SCML4: variants seen among roughly 807,000 people sequenced by gnomAD.
SCML4 encodes Scm polycomb group protein like 4, also known as sex comb on midleg-like protein 4.
SCML4 carries 34 observed loss-of-function variants against 41.1 expected under a neutral mutation model. The observed-to-expected ratio is 0.83, with a 90% confidence interval of 0.63 to 1.10. The LOEUF (loss-of-function observed/expected upper bound fraction) is 1.10. Among genes scored for constraint, SCML4 ranks in the 50% least tolerant of loss-of-function variants. The pLI is 0.00. For missense variants in SCML4, 522 were observed against 534.1 expected, an observed-to-expected ratio of 0.98 and a Z score of 0.22; for synonymous variants, 214 against 220.9, an observed-to-expected ratio of 0.97 and a Z score of 0.28.
intron 1 of SCML4, among the ~76,000 whole-genome samples, chr6:107,793,437 T>C (rs1013793657): frequency 2.6e-5 from 4 of 152,142 alleles, no homozygotes; most frequent in Admixed American, 2.6e-4. Flanking sequence ...GACAAACAAA[T>C]GCTTAAAACA....
At chr6:107,799,710 T>C (rs543217662) in intron 1 of SCML4, among the ~76,000 whole-genome samples, 1 of 152,212 alleles carries the variant, frequency 6.6e-6, no homozygotes, top group South Asian at 2.1e-4. Context: ...ATTGCTTTCT[T>C]TCTTGGCTCA....
At chr6:107,777,134 T>C (rs1241358704) in intron 1 of SCML4, among the ~76,000 whole-genome samples, 2 of 152,230 alleles carry the variant, frequency 1.3e-5, no homozygotes, top group African/African-American at 2.4e-5. Flanking sequence ...TTTTGTTTTG[T>C]TTGAGATGGA....
chr6:107,813,929 G>A (rs908797836), intron 1 of SCML4, among the ~76,000 whole-genome samples: 1 of 152,086 alleles, frequency 6.6e-6, no homozygotes, highest in African/African-American at 2.4e-5. Context: ...CTCTTCCTAC[G>A]GAGCCTCTCC....
At chr6:107,706,098 A>G (rs954092776) in intron 7 of SCML4, among the ~76,000 whole-genome samples, 1 of 152,120 alleles carries the variant, frequency 6.6e-6, no homozygotes, top group African/African-American at 2.4e-5. Flanking sequence ...TAGTTACAGG[A>G]TTCATATAAT....
intron 1 of SCML4, among the ~76,000 whole-genome samples, chr6:107,788,014 C>A (rs77908230): frequency 0.013 from 2,004 of 152,302 alleles, 24 homozygotes; most frequent in Non-Finnish European, 0.019. Context: ...ACCCAGGGAA[C>A]AATCAGCAGA....
chr6:107,823,936 G>A (rs1035716708), intron 1 of SCML4, among the ~76,000 whole-genome samples, 190 bp downstream of exon 1: 5 of 152,168 alleles, frequency 3.3e-5, no homozygotes, highest in African/African-American at 1.2e-4. Flanking sequence ...ATTAAATGCT[G>A]TACTTTGCAT....
chr6:107,822,729 T>G (rs1364741360), intron 1 of SCML4, among the ~76,000 whole-genome samples: 1 of 152,092 alleles, frequency 6.6e-6, no homozygotes, highest in Non-Finnish European at 1.5e-5. Context: ...AAAAATTCTG[T>G]CAAAAAGCCT....
At chr6:107,790,807 T>C (rs1173563520) in intron 1 of SCML4, among the ~76,000 whole-genome samples, 1 of 152,140 alleles carries the variant, frequency 6.6e-6, no homozygotes, top group Non-Finnish European at 1.5e-5. Flanking sequence ...TGGTGGCTCA[T>C]GTCTGTAATC....
chr6:107,751,576 TTC>T (rs1778634197), intron 2 of SCML4, among the ~76,000 whole-genome samples: 1 of 44,474 alleles, frequency 2.2e-5, no homozygotes, highest in South Asian at 9.3e-4. Flanking sequence ...TTAACAATCT[TTC>T]TTTCTTTCTT....
At chr6:107,778,210 AAAAAAAAAAAAAATATATATATAT>A (rs1212360194) in intron 1 of SCML4, among the ~76,000 whole-genome samples, 23 of 21,318 alleles carry the variant, frequency 1.1e-3, no homozygotes, top group South Asian at 7.6e-3. Flanking sequence ...AAAAAAAAAA[AAAAAAAAAAAAAATATATATATAT>A]ATATATATAT....
chr6:107,747,233 C>T (rs1395485215), intron 3 of SCML4, among the ~76,000 whole-genome samples: 2 of 152,188 alleles, frequency 1.3e-5, no homozygotes, highest in African/African-American at 2.4e-5. Flanking sequence ...AATGTACATA[C>T]AAAACTTCTT....
intron 2 of SCML4, among the ~76,000 whole-genome samples, chr6:107,766,015 T>C (rs1249518559): frequency 1.3e-5 from 2 of 152,230 alleles, no homozygotes; most frequent in Non-Finnish European, 1.5e-5. Flanking sequence ...CCAGGCATGG[T>C]GGCACATGCC....
intron 6 of SCML4, among the ~76,000 whole-genome samples, chr6:107,715,941 T>A (rs1774740670): frequency 6.6e-6 from 1 of 150,828 alleles, no homozygotes; most frequent in Non-Finnish European, 1.5e-5. Context: ...TGATGATAAC[T>A]GCTTTTTACT....
chr6:107,819,324 G>C (rs1784781264), intron 1 of SCML4, among the ~76,000 whole-genome samples: 1 of 102,702 alleles, frequency 9.7e-6, no homozygotes, highest in Non-Finnish European at 2.3e-5. Flanking sequence ...AACAATGAGG[G>C]CTTCTCTATA....
chr6:107,839,368 G>GGAAAGAAA, the SCML4 span, among the ~76,000 whole-genome samples: 309 of 52,534 alleles, frequency 5.9e-3, 4 homozygotes, highest in African/African-American at 0.02. Flanking sequence ...AAAGAAAGAA[G>GGAAAGAAA]GAAAGAAAGA....
chr6:107,835,333 C>T, the SCML4 span, among the ~76,000 whole-genome samples: 1 of 151,722 alleles, frequency 6.6e-6, no homozygotes, highest in African/African-American at 2.4e-5. Flanking sequence ...TCCACTCCAG[C>T]CCTGGTGACA....
At chr6:107,730,941 C>A (rs1477614999) in intron 5 of SCML4, among the ~76,000 whole-genome samples, 2 of 152,172 alleles carry the variant, frequency 1.3e-5, no homozygotes. Context: ...GTGGATTCCT[C>A]CCTTGCTCCC....
chr6:107,844,734 C>G, the SCML4 span, among the ~76,000 whole-genome samples: 3 of 152,086 alleles, frequency 2.0e-5, no homozygotes, highest in Non-Finnish European at 2.9e-5. Context: ...TTCTGTACCT[C>G]TAACACTCAT....
the SCML4 span, among the ~76,000 whole-genome samples, chr6:107,842,641 A>C: frequency 6.6e-6 from 1 of 152,176 alleles, no homozygotes; most frequent in African/African-American, 2.4e-5. Flanking sequence ...TGATCTGCCC[A>C]GGTCGGCCTC....
Sources: gnomAD v4.1 joint callset for allele counts (sites outside exome capture counted in the v4.1 genomes callset) on GRCh38, gnomAD v4.1.1 for gene constraint, MANE v1.5 for transcripts, NCBI Gene and HGNC (gene_info 2026-07-23, HGNC 2026-07-21) for gene names.